SEMA4B: variants seen among roughly 807,000 people sequenced by gnomAD.
SEMA4B encodes the protein semaphorin-4B.
In SEMA4B, 55 loss-of-function variants were observed where a neutral mutation model predicts 88.1. The ratio of observed to expected loss-of-function variants is 0.62; its 90% CI spans 0.50 to 0.78. The LOEUF (loss-of-function observed/expected upper bound fraction) is 0.78, where lower values mean the gene tolerates loss of function less well. Among genes scored for constraint, SEMA4B ranks in the 30% least tolerant of loss-of-function variants. SEMA4B has a pLI of 0.00. For missense variants in SEMA4B, 1,062 were observed against 1,111.9 expected (o/e 0.96, Z 0.64); for synonymous variants, 525 against 473.6 (o/e 1.11, Z -1.41).
At chr15:90,206,822 T>G in intron 1 of SEMA4B, 1 of 725,954 alleles carries the variant, frequency 1.4e-6, no homozygotes, top group South Asian at 1.4e-5. Context: ...CAAAAGAAAC[T>G]GGGGGAATGG....
chr15:90,219,807 C>G lies in SEMA4B; in HGVS notation c.399C>G (p.Asn133Lys). Reference sequence around the variant, plus strand: ...CTTCCCCCCAGCGCGACTGTCAAAACTACATCAAGATCCTCCTGCCGCTCA... The same window carrying G: ...CTTCCCCCCAGCGCGACTGTCAAAAGTACATCAAGATCCTCCTGCCGCTCA... ...KGKDPQRDCQ[N>K]YIKILLPLSG... The change falls in exon 4 of 14, where the codon AAC (asparagine) becomes AAG (lysine). Residue 133 changes from asparagine (N) to lysine (K), a missense_variant. Transcript: ENST00000411539. 6.2e-7 allele frequency: 1 copy of G among 1,613,502 alleles called. No individual in the cohort carries two copies. Among genetic ancestry groups the G allele is most frequent in the Non-Finnish European group, 8.5e-7 (1 of 1,179,708 alleles).
At chr15:90,219,957 C>T in intron 4 of SEMA4B, 66 bp downstream of exon 4, 1 of 1,279,246 alleles carries the variant, frequency 7.8e-7, no homozygotes, top group South Asian at 1.2e-5. Flanking sequence ...CCCAGGGATC[C>T]TGTTCTGTAG....
intron 1 of SEMA4B, among the ~76,000 whole-genome samples, chr15:90,190,754 T>C (rs1960319992): frequency 1.3e-5 from 2 of 152,058 alleles, no homozygotes; most frequent in Non-Finnish European, 2.9e-5. Flanking sequence ...TCTTGCTCTG[T>C]GTCTGTGTCA....
rs1259450722 is a variant in SEMA4B at position 90,221,438 on chromosome 15, C to G, written c.667C>G (p.Leu223Val). ...CCCGGCCATCTCGCGGAGCCAAAGCCTTCGCCCCACCAAGACCGAGAGCTC... is the reference window on the plus strand; with the variant it reads ...CCCGGCCATCTCGCGGAGCCAAAGCGTTCGCCCCACCAAGACCGAGAGCTC... ...NDPAISRSQS[L>V]RPTKTESSLN... The change falls in exon 6 of 14, where the codon CTT becomes GTT. Residue 223 changes from leucine (L) to valine (V), a missense_variant. Transcript: ENST00000411539. The G allele has an allele frequency of 1.3e-6, 2 of 1,588,162 alleles. No individual in the cohort carries two copies. Among genetic ancestry groups the G allele is most frequent in the Non-Finnish European group, 1.7e-6 (2 of 1,167,816 alleles).
At chr15:90,192,326 C>G (rs1214521701) in intron 1 of SEMA4B, among the ~76,000 whole-genome samples, 1 of 152,216 alleles carries the variant, frequency 6.6e-6, no homozygotes, top group Non-Finnish European at 1.5e-5. Flanking sequence ...GGAATTAGAG[C>G]AGGCAGACCT....
chr15:90,192,586 C>CTTTTTTTT (rs67328606), intron 1 of SEMA4B, among the ~76,000 whole-genome samples: 5 of 88,668 alleles, frequency 5.6e-5, no homozygotes, highest in African/African-American at 2.3e-4. Flanking sequence ...TCCCTTGTAG[C>CTTTTTTTT]TTTTTTTTTT....
rs372517531 is a variant in SEMA4B, at chr15:90,202,193, C to G, written c.157+458C>G. ...GGAGCTGTGGTGGGCGGGCAGGCGC[C>G]CGATCCTCCCTCTCCGCCCCTCCAT... On this transcript the variant is annotated intron_variant, in intron 1 of 13. Transcript: ENST00000411539. Among the ~76,000 whole-genome samples the G allele has an allele frequency of 1.6e-4, 24 of 152,390 alleles. No homozygotes were observed. The South Asian group carries it at 5.0e-3, about 32-fold the overall frequency.
chr15:90,222,250 T>TC (rs1961897249), intron 7 of SEMA4B, among the ~76,000 whole-genome samples: 1 of 111,656 alleles, frequency 9.0e-6, no homozygotes, highest in African/African-American at 4.3e-5. Flanking sequence ...ATTTTTTTTC[T>TC]TTTCTTTTTT....
upstream of SEMA4B, among the ~76,000 whole-genome samples, chr15:90,197,927 TTAA>T (rs1378424245): frequency 3.5e-3 from 529 of 150,314 alleles, 3 homozygotes; most frequent in African/African-American, 0.012. Context: ...AATTAATTAA[TTAA>T]TTTTTTTTTT....
Position 90,228,042 on chromosome 15 carries a change from T to A in SEMA4B, c.1913T>A (p.Leu638Gln). 1 of 1,613,884 alleles carries A rather than the reference T, an allele frequency of 6.2e-7. No homozygotes were observed. The highest frequency in any genetic ancestry group is 1.3e-5 in the African/African-American group (1 of 75,066). ...AATGCCTCGGCCTCCTGCCACGTGC[T>A]ACCCACTGGGGACCTGCTGCTGGTG... ...PVNASASCHV[L>Q]PTGDLLLVGT... Residue 638 changes from leucine to glutamine, a missense_variant, in exon 14 of 14, where the codon CTA becomes CAA. Physicochemically the swap from Leu to Gln is moderately radical, Grantham distance 113. Transcript: ENST00000411539.
At chr15:90,205,226 C>T (rs1044568615) in intron 1 of SEMA4B, among the ~76,000 whole-genome samples, 2 of 152,236 alleles carry the variant, frequency 1.3e-5, no homozygotes, top group Non-Finnish European at 2.9e-5. Context: ...GAGCATTTGG[C>T]ACAAATCAGC....
intron 1 of SEMA4B, chr15:90,193,125 C>T (rs1164093962): frequency 1.3e-5 from 2 of 152,348 alleles, no homozygotes; most frequent in Non-Finnish European, 2.9e-5. Flanking sequence ...ACTCCCTTTC[C>T]AAGCTGCCTC....
rs398028319 is a variant in SEMA4B, at chr15:90,185,924, A to ATTTTTTT, written c.-122+864_-122+870dup. Among the ~76,000 whole-genome samples the ATTTTTTT allele has an allele frequency of 4.7e-4, 26 of 55,454 alleles. 2 individuals carry two copies. In the South Asian group the frequency reaches 0.013, roughly 27 times the overall value. The allele number at this position is 55,454 out of a possible 152,430, so 36.4% of individuals were successfully genotyped here. A position where few individuals can be genotyped will look rare whatever the true frequency, so the allele number is the denominator to read the frequency against. Reference sequence around the variant, plus strand: ...CAGGCCATGGCCGTTTCTTTTGGTGATTTTTTTTTTTTTTTTTTTTTTTTT... The same window carrying ATTTTTTT: ...CAGGCCATGGCCGTTTCTTTTGGTGATTTTTTTTTTTTTTTTTTTTTTTTTTTTTTTT... On this transcript the variant is annotated intron_variant, in intron 1 of 14. Coordinates refer to the SEMA4B transcript ENST00000332496.
chr15:90,221,303 G>A lies in SEMA4B; in HGVS notation c.596-64G>A, dbSNP rs541785840. On this transcript the variant is annotated intron_variant, in intron 5 of 13. Transcript: ENST00000411539. ...ACGGGCAGTGCTGGGGTCACTCTGGGCCCTGAGCAGGGAGAAGGGGCCGTG... is the reference window on the plus strand; with the variant it reads ...ACGGGCAGTGCTGGGGTCACTCTGGACCCTGAGCAGGGAGAAGGGGCCGTG... The A allele has an allele frequency of 2.3e-4, 320 of 1,385,600 alleles. 1 individual carries two copies. The highest frequency in any genetic ancestry group is 9.1e-4 in the Admixed American group (46 of 50,364). The allele number at this position is 1,385,600 out of a possible 1,614,324, so 85.8% of individuals were successfully genotyped here.
In SEMA4B at chr15:90,221,776, C is replaced by G. The variant is rs368532260; in HGVS notation, c.861+11C>G. ...GCCCGCATCTGCAAGGTGAGGGGAA[C>G]GGGCTGACAGGGTGGCCACCCCAGG... On this transcript the variant is annotated intron_variant, in intron 7 of 13. Coordinates refer to ENST00000411539, the MANE Select transcript of SEMA4B (RefSeq NM_198925.4). 6.2e-7 allele frequency: 1 copy of G among 1,612,656 alleles called. No individual in the cohort carries two copies. Among genetic ancestry groups the G allele is most frequent in the African/African-American group, 1.3e-5 (1 of 74,904 alleles).
At chr15:90,189,410 G>T (rs4932298) in intron 1 of SEMA4B, among the ~76,000 whole-genome samples, 49,361 of 151,978 alleles carry the variant, frequency 0.32, 8,847 homozygotes, top group East Asian at 0.7. Context: ...GTAAGTCCTG[G>T]AACCTCTCTA....
intron 1 of SEMA4B, among the ~76,000 whole-genome samples, chr15:90,187,780 G>A (rs527284006): frequency 1.3e-5 from 2 of 152,276 alleles, no homozygotes; most frequent in East Asian, 3.9e-4. Flanking sequence ...GCCGAGGCAG[G>A]CAGATCACGA....
In SEMA4B at chr15:90,223,592, C is replaced by T. The variant is rs374837838; in HGVS notation, c.895C>T (p.Arg299Cys). ...GGGTGGAGAGCGGGTGCTACAGCAG[C>T]GCTGGACCTCCTTCCTCAAGGCCCA... Reference protein sequence around the residue: ...DEGGERVLQQRWTSFLKAQLL... With the variant: ...DEGGERVLQQCWTSFLKAQLL... The change falls in exon 8 of 14, where the codon CGC (arginine) becomes TGC (cysteine). Residue 299 changes from arginine to cysteine, a missense_variant. Coordinates refer to ENST00000411539, the MANE Select transcript of SEMA4B (RefSeq NM_198925.4). The T allele has an allele frequency of 5.6e-6, 9 of 1,609,710 alleles. No individual in the cohort carries two copies. In the African/African-American group the frequency reaches 6.7e-5, roughly 12 times the overall value.
rs3029968 is a variant in SEMA4B, at chr15:90,222,971, T to TATATATACA, written c.862-588_862-587insATATATACA. On this transcript the variant is annotated intron_variant, in intron 7 of 13. Transcript: ENST00000411539. ...AACTCTGTGTATATATATATATACA[T>TATATATACA]TTTTTTTTTTCCTTTTTGAGACAGG... Among the ~76,000 whole-genome samples the TATATATACA allele has an allele frequency of 5.6e-3, 690 of 123,608 alleles. 4 individuals are homozygous for TATATATACA. The highest frequency in any genetic ancestry group is 9.5e-3 in the African/African-American group (265 of 27,886). The allele number at this position is 123,608 out of a possible 152,430, so 81.1% of individuals were successfully genotyped here. A position where few individuals can be genotyped will look rare whatever the true frequency, so the allele number is the denominator to read the frequency against.
Sources: allele counts gnomAD v4.1 joint callset (sites outside exome capture counted in the v4.1 genomes callset), GRCh38; gene constraint gnomAD v4.1.1; transcripts MANE v1.5; gene names NCBI Gene and HGNC (gene_info 2026-07-23, HGNC 2026-07-21).